NTRK3: variants seen among roughly 807,000 people sequenced by gnomAD.
The protein encoded by NTRK3 is neurotrophic receptor tyrosine kinase 3.
Under a neutral mutation model 91.7 loss-of-function variants are expected in NTRK3, and 24 were observed. The ratio of observed to expected loss-of-function variants is 0.26; its 90% CI spans 0.19 to 0.37. The LOEUF is 0.37. Ranked by LOEUF, NTRK3 falls within the 10% of genes least tolerant of loss-of-function variation. The probability of loss-of-function intolerance (pLI) is 1.00; values close to 1 mark genes in which losing one functional copy is unlikely to be tolerated. For synonymous variants in NTRK3, 483 were observed against 404.0 expected, an observed-to-expected ratio of 1.20 and a Z score of -2.34; for missense variants, 880 against 1,068.9, an observed-to-expected ratio of 0.82 and a Z score of 2.46.
chr15:88,115,406 C>T (rs2051931201), intron 13 of NTRK3, among the ~76,000 whole-genome samples: 1 of 152,230 alleles, frequency 6.6e-6, no homozygotes, highest in Non-Finnish European at 1.5e-5. Context: ...TCTGCACCTC[C>T]TTCAACTGGT....
intron 14 of NTRK3, among the ~76,000 whole-genome samples, chr15:87,994,969 GGATA>G (rs2075579852): frequency 6.6e-6 from 1 of 152,136 alleles, no homozygotes; most frequent in Admixed American, 6.5e-5. Flanking sequence ...ATATAGACAT[GGATA>G]GATACTTAGA....
chr15:88,196,160 C>T (rs2047797896), intron 3 of NTRK3, among the ~76,000 whole-genome samples: 3 of 152,146 alleles, frequency 2.0e-5, no homozygotes, highest in Admixed American at 6.5e-5. Context: ...GCAGAAAAGT[C>T]GCTCCAAAGC....
chr15:87,970,606 G>C (rs529003114), intron 14 of NTRK3, among the ~76,000 whole-genome samples: 1 of 152,186 alleles, frequency 6.6e-6, no homozygotes, highest in African/African-American at 2.4e-5. Flanking sequence ...GGTAGAATAA[G>C]GTTTGTTTAC....
At chr15:88,110,903 G>C (rs1160131934) in intron 13 of NTRK3, among the ~76,000 whole-genome samples, 2 of 152,220 alleles carry the variant, frequency 1.3e-5, no homozygotes, top group African/African-American at 4.8e-5. Context: ...GCCAGGTCCA[G>C]AGCCATGTGG....
intron 14 of NTRK3, among the ~76,000 whole-genome samples, chr15:87,943,102 C>T (rs956422783): frequency 4.6e-5 from 7 of 152,074 alleles, no homozygotes; most frequent in African/African-American, 1.7e-4. Flanking sequence ...CTGGGCTCCT[C>T]CACCAGGGAT....
chr15:87,884,901 G>T (rs558138295), intron 17 of NTRK3, among the ~76,000 whole-genome samples: 2 of 151,758 alleles, frequency 1.3e-5, no homozygotes, highest in Non-Finnish European at 3.0e-5. Context: ...CGAATTTTAT[G>T]TGACATTTTT....
chr15:88,081,923 G>A (rs900868274), intron 13 of NTRK3, among the ~76,000 whole-genome samples: 2 of 152,144 alleles, frequency 1.3e-5, no homozygotes, highest in Non-Finnish European at 2.9e-5. Context: ...ACCCTGCTTT[G>A]CTTTTTCTTT....
chr15:88,064,135 C>A (rs1417206725), intron 13 of NTRK3, among the ~76,000 whole-genome samples: 2 of 152,136 alleles, frequency 1.3e-5, no homozygotes, highest in African/African-American at 4.8e-5. Context: ...TGGGGTGATA[C>A]AGATATAAGC....
chr15:88,159,090 T>C (rs74027780), intron 5 of NTRK3, among the ~76,000 whole-genome samples: 2,669 of 152,240 alleles, frequency 0.018, 89 homozygotes, highest in African/African-American at 0.061. Context: ...CAAAGGCTGG[T>C]GGGAGCCTGC....
intron 14 of NTRK3, among the ~76,000 whole-genome samples, chr15:87,954,323 C>G (rs898374573): frequency 3.9e-5 from 6 of 152,190 alleles, no homozygotes; most frequent in Admixed American, 2.0e-4. Context: ...TGTCTCCTCT[C>G]TAAGTACTTA....
intron 3 of NTRK3, among the ~76,000 whole-genome samples, chr15:88,251,344 C>G (rs2053341354): frequency 6.6e-6 from 1 of 152,186 alleles, no homozygotes. Context: ...TGACATATGT[C>G]CAAGTTGGAA....
At chr15:87,996,925 A>C (rs995966942) in intron 14 of NTRK3, among the ~76,000 whole-genome samples, 2 of 152,218 alleles carry the variant, frequency 1.3e-5, no homozygotes, top group Admixed American at 1.3e-4. Context: ...TTATCCCCCA[A>C]ATGCACTCAC....
chr15:88,147,441 G>A (rs2151314668), intron 5 of NTRK3, 38 bp from the exon 6 acceptor site: 1 of 1,566,128 alleles, frequency 6.4e-7, no homozygotes, highest in Non-Finnish European at 8.8e-7. Flanking sequence ...TTTAAAACAA[G>A]TCTGGCACAA....
At chr15:88,090,230 T>C (rs1174013537) in intron 13 of NTRK3, among the ~76,000 whole-genome samples, 1 of 152,136 alleles carries the variant, frequency 6.6e-6, no homozygotes, top group African/African-American at 2.4e-5. Flanking sequence ...ATAGGTTCAT[T>C]TGTTTGTTTA....
chr15:88,063,315 G>T (rs926962273), intron 13 of NTRK3, among the ~76,000 whole-genome samples: 1 of 152,222 alleles, frequency 6.6e-6, no homozygotes, highest in African/African-American at 2.4e-5. Flanking sequence ...AAGCATCAAG[G>T]CCAGACAGAG....
chr15:87,963,954 G>C (rs181083969), intron 14 of NTRK3, among the ~76,000 whole-genome samples: 1 of 152,250 alleles, frequency 6.6e-6, no homozygotes, highest in Non-Finnish European at 1.5e-5. Context: ...AGAGCAAACT[G>C]TTGTGAAGAA....
chr15:88,044,385 C>T (rs1297053752), intron 13 of NTRK3, among the ~76,000 whole-genome samples: 2 of 151,312 alleles, frequency 1.3e-5, no homozygotes, highest in Admixed American at 6.6e-5. Context: ...CTCAGCTTCC[C>T]GAGTAGCTGG....
intron 3 of NTRK3, among the ~76,000 whole-genome samples, chr15:88,191,875 G>A (rs1002276810): frequency 1.3e-5 from 2 of 152,238 alleles, no homozygotes; most frequent in Non-Finnish European, 2.9e-5. Flanking sequence ...CTTGACAGCT[G>A]TTGTGGGGGA....
Position 88,255,769 on chromosome 15 carries a change from C to G in NTRK3, c.248+137G>C. ...CCGGAGAGCATCTCCCGAGCCAGAG[C>G]GAGCCTGACGCGCGCCCAGCGGGCG... On this transcript the variant is annotated intron_variant, in intron 3 of 18. Coordinates refer to ENST00000394480, the Ensembl canonical transcript of NTRK3. This position sits in a 1 kb window ranked among gnomAD's most constrained non-coding sequence, Gnocchi z 4.3. 1.6e-6 allele frequency: 1 copy of G among 639,058 alleles called. No homozygotes were observed. The highest frequency in any genetic ancestry group is 2.3e-6 in the Non-Finnish European group (1 of 439,954). 39.6% of individuals were successfully genotyped at this position (639,058 alleles called of 1,614,324 possible).
Sources: allele counts gnomAD v4.1 joint callset (sites outside exome capture counted in the v4.1 genomes callset), GRCh38; gene constraint gnomAD v4.1.1; non-coding constraint Gnocchi (gnomAD v3.1); transcripts MANE v1.5; gene names NCBI Gene and HGNC (gene_info 2026-07-23, HGNC 2026-07-21).